Variants in MYBPC1 observed in about 807,000 individuals in gnomAD.
MYBPC1 encodes myosin binding protein C1, also known as myosin-binding protein C, slow-type.
In MYBPC1, 52 loss-of-function variants were observed where a neutral mutation model predicts 147.1. The ratio of observed to expected loss-of-function variants is 0.35; its 90% CI spans 0.28 to 0.45. MYBPC1 has a LOEUF of 0.45. Ranked by LOEUF, MYBPC1 falls within the 20% of genes least tolerant of loss-of-function variation. The pLI is 1.00. For synonymous variants in MYBPC1, 477 were observed against 475.9 expected, an observed-to-expected ratio of 1.00 and a Z score of -0.03; for missense variants, 1,228 against 1,440.3, an observed-to-expected ratio of 0.85 and a Z score of 2.39.
At chr12:101,598,101 C>A (rs1352467770) in intron 1 of MYBPC1, among the ~76,000 whole-genome samples, 1 of 151,122 alleles carries the variant, frequency 6.6e-6, no homozygotes, top group East Asian at 1.9e-4. Context: ...CTCACTGCAG[C>A]CTTTGCCTCC....
At chr12:101,595,476 G>T (rs552012705) in intron 1 of MYBPC1, among the ~76,000 whole-genome samples, 29 of 152,236 alleles carry the variant, frequency 1.9e-4, no homozygotes, top group Middle Eastern at 3.4e-3. Context: ...TTTGCAGAGA[G>T]TAGGAGACTT....
chr12:101,695,358 T>C, the MYBPC1 span, among the ~76,000 whole-genome samples: 1 of 152,208 alleles, frequency 6.6e-6, no homozygotes. Context: ...ATGTAAGTCC[T>C]GAGTGGAGAA....
intron 8 of MYBPC1, among the ~76,000 whole-genome samples, chr12:101,633,243 G>A (rs1890272812): frequency 6.6e-6 from 1 of 152,174 alleles, no homozygotes; most frequent in Non-Finnish European, 1.5e-5. Flanking sequence ...TTGAGTGTGT[G>A]GGTGAAGGAA....
At position 101,610,251 on chromosome 12, in the gene MYBPC1, T is replaced by C. The variant is rs144105277; in HGVS notation, c.26-4245T>C. Among the ~76,000 whole-genome samples, 408 of 152,386 alleles carry C rather than the reference T, an allele frequency of 2.7e-3. 1 individual carries two copies. The highest frequency in any genetic ancestry group is 8.4e-3 in the African/African-American group (350 of 41,596). On this transcript the variant is annotated intron_variant, in intron 1 of 31. Coordinates refer to ENST00000361466, the MANE Select transcript of MYBPC1 (RefSeq NM_002465.4). ...GTCCTATTTTCTCTGATCATTTCTG[T>C]CTCACCATGATTGATTAATTGAATC...
chr12:101,638,301 G>A (rs938149587), intron 10 of MYBPC1, among the ~76,000 whole-genome samples: 4 of 152,180 alleles, frequency 2.6e-5, no homozygotes, highest in Non-Finnish European at 4.4e-5. Context: ...GAAATCCAGT[G>A]CCTGGCACAT....
chr12:101,644,635 A>G (rs1239734734), intron 11 of MYBPC1, 29 bp from the exon 12 acceptor site: 1 of 1,586,822 alleles, frequency 6.3e-7, no homozygotes, highest in Non-Finnish European at 8.7e-7. Flanking sequence ...ACATATATTA[A>G]CATACTTTTG....
In MYBPC1 at chr12:101,626,910, G is replaced by A; in HGVS notation, c.142G>A (p.Gly48Ser). 2 of 1,610,344 alleles carry A rather than the reference G, an allele frequency of 1.2e-6. No homozygotes were observed. Among genetic ancestry groups the A allele is most frequent in the East Asian group, 2.2e-5 (1 of 44,870 alleles). Residue 48 changes from glycine to serine, a missense_variant and splice_region_variant, in exon 4 of 32, where the codon GGT becomes AGT. This residue lies in a region of MYBPC1 where 151 missense variants were observed against 126.1 expected (regional missense o/e 1.20). Coordinates refer to ENST00000361466, the MANE Select transcript of MYBPC1 (RefSeq NM_002465.4). ...CTCCCCGCCTAGCGCCTTGCCTCCA[G>A]GTTGGGATAATTTCTACCCTTTTCC... ...EVSPPSALPP[G>S]LGSRALERKD...
intron 1 of MYBPC1, among the ~76,000 whole-genome samples, chr12:101,601,263 C>A (rs139872012): frequency 2.6e-5 from 4 of 152,152 alleles, no homozygotes; most frequent in African/African-American, 7.2e-5. Context: ...GACAGCCCCC[C>A]CAAAGTCAAA....
intron 1 of MYBPC1, among the ~76,000 whole-genome samples, chr12:101,596,283 T>C (rs1404899504): frequency 6.6e-6 from 1 of 152,228 alleles, no homozygotes; most frequent in South Asian, 2.1e-4. Flanking sequence ...AGGGCATTGA[T>C]GGATGAAGTC....
chr12:101,631,864 G>T, intron 7 of MYBPC1, 145 bp downstream of exon 7: 1 of 1,373,344 alleles, frequency 7.3e-7, no homozygotes, highest in South Asian at 1.2e-5. Context: ...ACTCTATTGC[G>T]ATTGCCCGGC....
chr12:101,613,712 G>A (rs1364795363), intron 1 of MYBPC1, among the ~76,000 whole-genome samples: 3 of 152,170 alleles, frequency 2.0e-5, no homozygotes, highest in African/African-American at 7.2e-5. Context: ...GTAATAACCA[G>A]ACATCGAAAG....
intron 1 of MYBPC1, among the ~76,000 whole-genome samples, chr12:101,598,542 A>G (rs1476485635): frequency 6.6e-6 from 1 of 152,132 alleles, no homozygotes. Flanking sequence ...ACATCCTGCG[A>G]CAACTGTTAA....
the MYBPC1 span, among the ~76,000 whole-genome samples, chr12:101,691,815 G>A: frequency 6.6e-6 from 1 of 152,182 alleles, no homozygotes. Context: ...TCTACTGGAT[G>A]CCAGGCATTG....
At chr12:101,673,121 C>T (rs1899085870) in intron 24 of MYBPC1, among the ~76,000 whole-genome samples, 1 of 152,164 alleles carries the variant, frequency 6.6e-6, no homozygotes, top group Non-Finnish European at 1.5e-5. Flanking sequence ...AGACCTGGTT[C>T]CAGTGCTTAC....
chr12:101,647,968 C>A, intron 13 of MYBPC1, 77 bp from the exon 14 acceptor site: 3 of 1,203,100 alleles, frequency 2.5e-6, no homozygotes, highest in South Asian at 1.2e-5. Flanking sequence ...GTTGGTTTTT[C>A]ATCTGTGAAG....
intron 12 of MYBPC1, among the ~76,000 whole-genome samples, chr12:101,645,335 T>C (rs1319645208): frequency 2.6e-5 from 4 of 152,252 alleles, no homozygotes; most frequent in African/African-American, 9.6e-5. Context: ...TATTATTTAT[T>C]GGCCTTCTCA....
intron 1 of MYBPC1, among the ~76,000 whole-genome samples, chr12:101,612,086 G>A (rs199531590): frequency 1.5e-3 from 208 of 138,202 alleles, no homozygotes; most frequent in African/African-American, 2.8e-3. Flanking sequence ...AAAAAAAAAA[G>A]AAAAAAAAAA....
intron 1 of MYBPC1, 27 bp from the exon 2 acceptor site, chr12:101,614,469 C>T (rs773169846): frequency 6.2e-7 from 1 of 1,613,624 alleles, no homozygotes; most frequent in Non-Finnish European, 8.5e-7. Flanking sequence ...ATGAGCCTGA[C>T]ATTTCCATGA....
chr12:101,691,605 C>G, the MYBPC1 span, among the ~76,000 whole-genome samples: 2 of 152,330 alleles, frequency 1.3e-5, no homozygotes, highest in African/African-American at 4.8e-5. Flanking sequence ...TCAAGATGTT[C>G]TTTCTCCTTT....
Sources: allele counts gnomAD v4.1 joint callset (sites outside exome capture counted in the v4.1 genomes callset), GRCh38; gene constraint gnomAD v4.1.1; regional missense constraint gnomAD v4.1.1; transcripts MANE v1.5; gene names NCBI Gene and HGNC (gene_info 2026-07-23, HGNC 2026-07-21).